The following TRIM33 variants were observed in gnomAD, a reference collection of about 807,000 sequenced individuals.
TRIM33 encodes E3 ubiquitin-protein ligase TRIM33.
In TRIM33, 20 loss-of-function variants were observed where a neutral mutation model predicts 125.4. The ratio of observed to expected loss-of-function variants is 0.16; its 90% confidence interval spans 0.11 to 0.23. TRIM33 has a LOEUF of 0.23. Ranked by LOEUF, TRIM33 falls within the 10% of genes least tolerant of loss-of-function variation. The pLI is 1.00. For missense variants in TRIM33, 920 were observed against 1,411.4 expected, an observed-to-expected ratio of 0.65 and a Z score of 5.58; for synonymous variants, 564 against 513.9, an observed-to-expected ratio of 1.10 and a Z score of -1.32.
At chr1:114,469,204 T>C (rs935892669) in intron 1 of TRIM33, 3 of 169,070 alleles carry the variant, frequency 1.8e-5, no homozygotes, top group African/African-American at 7.2e-5. Flanking sequence ...CAACTTATTG[T>C]TGATAATCTG....
At chr1:114,411,044 T>TA (rs1652550241) in intron 11 of TRIM33, among the ~76,000 whole-genome samples, 1 of 152,124 alleles carries the variant, frequency 6.6e-6, no homozygotes, top group Admixed American at 6.5e-5. Flanking sequence ...CATATTCTTC[T>TA]TTTATTTATT....
rs934350604 is a variant in TRIM33, at chr1:114,395,035, C to A, written c.*2613G>T. The stretch of plus-strand genomic sequence containing the variant: ...CAGGGACTGACAGATACAATTTTGT[C>A]TTTTTAAAACATAAACTAATAGGAA... On this transcript the variant is annotated 3_prime_UTR_variant, in exon 20 of 20. Transcript: ENST00000358465. The A allele has an allele frequency of 2.1e-5, 4 of 193,126 alleles. No homozygotes were observed. The highest frequency in any genetic ancestry group is 4.3e-5 in the Non-Finnish European group (4 of 92,586). The allele number at this position is 193,126 out of a possible 1,614,324, so 12.0% of individuals were successfully genotyped here. A position where few individuals can be genotyped will look rare whatever the true frequency, so the allele number is the denominator to read the frequency against.
At chr1:114,503,039 C>T (rs1652800747) in intron 1 of TRIM33, among the ~76,000 whole-genome samples, 1 of 151,984 alleles carries the variant, frequency 6.6e-6, no homozygotes, top group African/African-American at 2.4e-5. Flanking sequence ...AAGGGAAAAG[C>T]AGATTTTAAT....
chr1:114,481,999 G>A (rs1424881387), intron 1 of TRIM33, among the ~76,000 whole-genome samples: 2 of 152,040 alleles, frequency 1.3e-5, no homozygotes, highest in African/African-American at 4.8e-5. Flanking sequence ...GACTTCAGGT[G>A]ATCTGCCCAC....
At chr1:114,444,506 G>A (rs1648857484) in intron 4 of TRIM33, among the ~76,000 whole-genome samples, 1 of 152,168 alleles carries the variant, frequency 6.6e-6, no homozygotes, top group Non-Finnish European at 1.5e-5. Flanking sequence ...CCTGGAGTAA[G>A]CTGTACCTTA....
At chr1:114,473,027 C>A (rs954462260) in intron 1 of TRIM33, among the ~76,000 whole-genome samples, 1 of 151,666 alleles carries the variant, frequency 6.6e-6, no homozygotes, top group Admixed American at 6.6e-5. Context: ...GAGGCCGAGG[C>A]GGGCAAATCA....
chr1:114,452,229 T>C (rs1649352969), intron 4 of TRIM33, among the ~76,000 whole-genome samples: 1 of 152,058 alleles, frequency 6.6e-6, no homozygotes, highest in South Asian at 2.1e-4. Flanking sequence ...ATCCCAGCAC[T>C]GGTGGGCGGA....
chr1:114,468,962 A>G (rs1557883819), intron 1 of TRIM33: 1 of 226,374 alleles, frequency 4.4e-6, no homozygotes, highest in East Asian at 1.5e-4. Flanking sequence ...TATTTTGTCA[A>G]CTTTACAGAT....
At chr1:114,505,306 G>A (rs1000507944) in intron 1 of TRIM33, among the ~76,000 whole-genome samples, 4 of 152,108 alleles carry the variant, frequency 2.6e-5, no homozygotes, top group African/African-American at 7.2e-5. Context: ...TTGAAGAGGA[G>A]AGTCAGAAAA....
intron 4 of TRIM33, among the ~76,000 whole-genome samples, chr1:114,434,138 T>C (rs949651546): frequency 1.3e-5 from 2 of 152,176 alleles, no homozygotes; most frequent in Non-Finnish European, 2.9e-5. Context: ...ACCACTGTAA[T>C]ATATAGTTCC....
chr1:114,413,580 A>G (rs2101118689), intron 11 of TRIM33, among the ~76,000 whole-genome samples: 1 of 132,836 alleles, frequency 7.5e-6, no homozygotes, highest in East Asian at 1.9e-4. Context: ...AAAAGAAAAG[A>G]AAAGAAAAAG....
intron 1 of TRIM33, among the ~76,000 whole-genome samples, chr1:114,484,155 G>T (rs1651525427): frequency 1.3e-5 from 2 of 152,096 alleles, no homozygotes; most frequent in South Asian, 4.1e-4. Context: ...AATTCAAGGA[G>T]CTCTTAAGAG....
chr1:114,482,790 T>C (rs184375509), intron 1 of TRIM33, among the ~76,000 whole-genome samples: 3 of 152,310 alleles, frequency 2.0e-5, no homozygotes, highest in South Asian at 4.1e-4. Flanking sequence ...TCTCTCTTCC[T>C]CCTGTCAGCC....
chr1:114,468,850 G>A (rs747663274), intron 1 of TRIM33: 11 of 266,790 alleles, frequency 4.1e-5, no homozygotes, highest in Middle Eastern at 1.4e-3. Flanking sequence ...CTACTGAAGC[G>A]AGTGTGCAAC....
At chr1:114,464,168 T>C (rs1309521838) in intron 2 of TRIM33, 102 bp downstream of exon 2, 10 of 572,106 alleles carry the variant, frequency 1.7e-5, no homozygotes, top group Non-Finnish European at 3.1e-5. Context: ...CAGGAATCCA[T>C]AGCAGAACCA....
intron 18 of TRIM33, among the ~76,000 whole-genome samples, chr1:114,399,021 C>T (rs1160340261): frequency 6.6e-6 from 1 of 151,386 alleles, no homozygotes; most frequent in Non-Finnish European, 1.5e-5. Context: ...ATTATATACT[C>T]TGGGCTACTA....
chr1:114,423,508 A>G (rs1279205249), intron 10 of TRIM33, among the ~76,000 whole-genome samples: 1 of 152,102 alleles, frequency 6.6e-6, no homozygotes, highest in Non-Finnish European at 1.5e-5. Flanking sequence ...ACTTAAACCT[A>G]TAATGGAAAT....
chr1:114,425,012 T>C (rs1473873693), intron 9 of TRIM33, among the ~76,000 whole-genome samples: 1 of 152,100 alleles, frequency 6.6e-6, no homozygotes, highest in Non-Finnish European at 1.5e-5. Context: ...TTAAAGCGTA[T>C]CAACATTAAC....
chr1:114,457,372 C>T (rs1161455810), intron 4 of TRIM33, among the ~76,000 whole-genome samples: 1 of 152,132 alleles, frequency 6.6e-6, no homozygotes, highest in East Asian at 1.9e-4. Flanking sequence ...AGAAGATGTC[C>T]AGATGCCATA....
Sources: gnomAD v4.1 joint callset for allele counts (sites outside exome capture counted in the v4.1 genomes callset) on GRCh38, gnomAD v4.1.1 for gene constraint, MANE v1.5 for transcripts, NCBI Gene and HGNC (gene_info 2026-07-23, HGNC 2026-07-21) for gene names.